Variants in METTL2A observed in about 807,000 individuals in gnomAD.
METTL2A encodes tRNA N(3)-cytidine methyltransferase METTL2A.
In METTL2A, 45 loss-of-function variants were observed where a neutral mutation model predicts 49.4. The observed-to-expected ratio is 0.91, with a 90% CI of 0.72 to 1.17. The LOEUF is 1.17. Ranked by LOEUF, METTL2A falls within the 50% of genes most tolerant of loss-of-function variation. METTL2A has a pLI of 0.00. For synonymous variants in METTL2A, 118 were observed against 167.5 expected, an observed-to-expected ratio of 0.70 and a Z score of 2.28; for missense variants, 361 against 462.2, an observed-to-expected ratio of 0.78 and a Z score of 2.01.
At chr17:62,437,214 G>A (rs1448052581) in intron 5 of METTL2A, among the ~76,000 whole-genome samples, 1 of 145,630 alleles carries the variant, frequency 6.9e-6, no homozygotes, top group African/African-American at 2.6e-5. Context: ...ATAGCCCACT[G>A]TAGCCTTGAA....
At chr17:62,443,390 T>G (rs1423531687) in intron 6 of METTL2A, among the ~76,000 whole-genome samples, 1 of 152,018 alleles carries the variant, frequency 6.6e-6, no homozygotes, top group African/African-American at 2.4e-5. Flanking sequence ...AAAAAACCTA[T>G]GACCTTAGAA....
At chr17:62,441,875 G>T (rs1180586370) in intron 6 of METTL2A, among the ~76,000 whole-genome samples, 2 of 151,290 alleles carry the variant, frequency 1.3e-5, no homozygotes, top group African/African-American at 4.9e-5. Flanking sequence ...CAAGCAGCTG[G>T]GATTACAGGT....
rs115825796 is a variant in METTL2A, at chr17:62,434,531, A to G, written c.609-701A>G. Among the ~76,000 whole-genome samples the G allele has an allele frequency of 7.8e-3, 1,183 of 152,294 alleles. 16 individuals carry two copies. Among genetic ancestry groups the G allele is most frequent in the African/African-American group, 0.026 (1,064 of 41,572 alleles). On this transcript the variant is annotated intron_variant, in intron 4 of 8. Transcript: ENST00000311506. ...TCCCATTTTCATTTAGACCTGTACT[A>G]ACAGAATTCTGGCATTACAAATTGT...
intron 6 of METTL2A, among the ~76,000 whole-genome samples, chr17:62,442,931 G>C (rs922260392): frequency 1.3e-5 from 2 of 152,212 alleles, no homozygotes; most frequent in African/African-American, 4.8e-5. Context: ...GGCTGCACAG[G>C]ATAGGAGCTT....
At chr17:62,439,915 C>A (rs2070727306) in intron 5 of METTL2A, among the ~76,000 whole-genome samples, 1 of 152,100 alleles carries the variant, frequency 6.6e-6, no homozygotes, top group East Asian at 1.9e-4. Context: ...CTATTAGATT[C>A]CTCACTGTCT....
Position 62,446,317 on chromosome 17 carries a change from C to CT in METTL2A, c.917-1373dup, listed in dbSNP as rs200539094. 8.6e-4 allele frequency among the ~76,000 whole-genome samples: 126 copies of CT among 146,318 alleles called. 1 individual carries two copies. The highest frequency in any genetic ancestry group is 7.2e-3 in the Middle Eastern group (2 of 278). On this transcript the variant is annotated intron_variant, in intron 7 of 8. Transcript: ENST00000311506. ...GAGCCACTGTGCCCAGTGTTACAGC[C>CT]TTTTTTTTTTTGAGACGGAGTCTCG...
chr17:62,445,796 GAAAAA>G (rs758786127), intron 7 of METTL2A, among the ~76,000 whole-genome samples: 2 of 111,438 alleles, frequency 1.8e-5, no homozygotes, highest in African/African-American at 6.6e-5. Flanking sequence ...ACTGTCTCAA[GAAAAA>G]AAAAAAAAGA....
At chr17:62,448,255 A>G (rs2070781928) in intron 8 of METTL2A, among the ~76,000 whole-genome samples, 1 of 152,184 alleles carries the variant, frequency 6.6e-6, no homozygotes, top group African/African-American at 2.4e-5. Context: ...TTTGGTTAAG[A>G]TGATGAAACC....
intron 7 of METTL2A, among the ~76,000 whole-genome samples, chr17:62,446,036 T>C (rs1423766166): frequency 1.3e-5 from 2 of 152,150 alleles, no homozygotes; most frequent in Non-Finnish European, 2.9e-5. Flanking sequence ...GAAGAACATA[T>C]CTAAATGGCC....
At chr17:62,434,007 A>C (rs1406600660) in intron 4 of METTL2A, among the ~76,000 whole-genome samples, 1 of 152,098 alleles carries the variant, frequency 6.6e-6, no homozygotes, top group African/African-American at 2.4e-5. Flanking sequence ...GACTGCAATG[A>C]GTCTTTGAGA....
intron 6 of METTL2A, among the ~76,000 whole-genome samples, chr17:62,441,847 TCTC>T (rs896846195): frequency 2.0e-5 from 3 of 151,376 alleles, no homozygotes; most frequent in Non-Finnish European, 2.9e-5. Flanking sequence ...TTCAACCAAT[TCTC>T]CTGCCTCAGC....
In METTL2A at chr17:62,444,920, T is replaced by G. The variant is rs1443760435; in HGVS notation, c.893T>G (p.Met298Arg). Reference protein sequence around the residue: ...MLLRDYGRYDMAQLRFKKGQC... With the variant: ...MLLRDYGRYDRAQLRFKKGQC... ...CTGCGAGATTACGGCCGCTATGACA[T>G]GGCTCAGCTTCGGTTTAAAAAAGGT... The change falls in exon 7 of 9, where the codon ATG becomes AGG. Residue 298 changes from methionine (M) to arginine (R), a missense_variant. Met to Arg is a moderately conservative substitution (Grantham distance 91). Coordinates refer to ENST00000311506, the MANE Select transcript of METTL2A (RefSeq NM_181725.4). 2 of 1,613,412 alleles carry G rather than the reference T, an allele frequency of 1.2e-6. No homozygotes were observed. The highest frequency in any genetic ancestry group is 1.7e-6 in the Non-Finnish European group (2 of 1,179,650).
chr17:62,435,964 G>A (rs1381779259), intron 5 of METTL2A, among the ~76,000 whole-genome samples: 3 of 152,072 alleles, frequency 2.0e-5, no homozygotes, highest in Admixed American at 6.6e-5. Context: ...ATGCTGGTGC[G>A]GTGACTCATG....
intron 1 of METTL2A, 57 bp downstream of exon 1, chr17:62,424,069 G>T: frequency 6.3e-7 from 1 of 1,594,584 alleles, no homozygotes; most frequent in South Asian, 1.1e-5. Context: ...CGCCGCCTCG[G>T]AGCACTCCGA....
At chr17:62,448,294 C>G (rs1310359307) in intron 8 of METTL2A, among the ~76,000 whole-genome samples, 1 of 152,120 alleles carries the variant, frequency 6.6e-6, no homozygotes, top group Non-Finnish European at 1.5e-5. Context: ...CTTTGACATA[C>G]ATAGATATTT....
chr17:62,432,395 G>A (rs979351356), intron 4 of METTL2A, among the ~76,000 whole-genome samples: 4 of 152,236 alleles, frequency 2.6e-5, no homozygotes, highest in South Asian at 2.1e-4. Context: ...TAGGCCAGGC[G>A]CAGTGGCCCA....
At chr17:62,438,576 CAA>C (rs35559687) in intron 5 of METTL2A, among the ~76,000 whole-genome samples, 12,388 of 76,758 alleles carry the variant, frequency 0.16, 1,338 homozygotes, top group East Asian at 0.51. Flanking sequence ...GACTCTGTTT[CAA>C]AAAAAAAAAA....
In METTL2A at chr17:62,438,004, C is replaced by T. The variant is rs538012785; in HGVS notation, c.670-2613C>T. 4.0e-5 allele frequency among the ~76,000 whole-genome samples: 6 copies of T among 150,846 alleles called. No homozygotes were observed. The East Asian group carries it at 9.9e-4, about 25-fold the overall frequency. On this transcript the variant is annotated intron_variant, in intron 5 of 8. Transcript: ENST00000311506. The stretch of plus-strand genomic sequence containing the variant: ...AAAAAATGTGTCTGTTACAATTGGC[C>T]GGGCATGGTGGCCAGCACTTTGGGA...
intron 6 of METTL2A, among the ~76,000 whole-genome samples, chr17:62,442,167 C>T (rs1462229384): frequency 6.6e-6 from 1 of 152,182 alleles, no homozygotes; most frequent in Non-Finnish European, 1.5e-5. Context: ...AAGTGTGATA[C>T]AGAATTCTAT....
Sources: gnomAD v4.1 joint callset for allele counts (sites outside exome capture counted in the v4.1 genomes callset) on GRCh38, gnomAD v4.1.1 for gene constraint, MANE v1.5 for transcripts, NCBI Gene and HGNC (gene_info 2026-07-23, HGNC 2026-07-21) for gene names.